The following CAMK1D variants were observed in gnomAD, a reference collection of about 807,000 sequenced individuals.
The protein encoded by CAMK1D is calcium/calmodulin dependent protein kinase ID, also known as calcium/calmodulin-dependent protein kinase type 1D.
Under a neutral mutation model 47.7 loss-of-function variants are expected in CAMK1D, and 9 were observed. That is an observed-to-expected ratio of 0.19 (90% CI 0.11 to 0.33). The LOEUF is 0.33. CAMK1D is among the 10% of genes least tolerant of loss of function. The pLI, the probability that CAMK1D is intolerant of heterozygous loss-of-function variation, is 1.00. For missense variants in CAMK1D, 291 were observed against 488.7 expected, an observed-to-expected ratio of 0.60 and a Z score of 3.81; for synonymous variants, 184 against 184.9, an observed-to-expected ratio of 0.99 and a Z score of 0.04.
At chr10:12,686,101 G>T (rs987638170) in intron 3 of CAMK1D, among the ~76,000 whole-genome samples, 1 of 152,068 alleles carries the variant, frequency 6.6e-6, no homozygotes, top group Non-Finnish European at 1.5e-5. Context: ...TAGTTGCAGG[G>T]GTTCATTTTC....
chr10:12,657,995 C>A (rs773631936), intron 2 of CAMK1D, among the ~76,000 whole-genome samples: 23 of 152,192 alleles, frequency 1.5e-4, no homozygotes, highest in African/African-American at 5.3e-4. Context: ...ACTAAAAATA[C>A]AAAAATTAGC....
intron 3 of CAMK1D, among the ~76,000 whole-genome samples, chr10:12,724,050 G>A (rs779853870): frequency 1.3e-5 from 2 of 152,148 alleles, no homozygotes; most frequent in Non-Finnish European, 2.9e-5. Context: ...GTGCAGTGGC[G>A]TGATCCCAGC....
intron 2 of CAMK1D, among the ~76,000 whole-genome samples, chr10:12,655,444 C>A (rs1472051136): frequency 6.6e-6 from 1 of 152,214 alleles, no homozygotes; most frequent in East Asian, 1.9e-4. Flanking sequence ...TCACTGGTAA[C>A]TTCTCATGGA....
intron 3 of CAMK1D, among the ~76,000 whole-genome samples, chr10:12,671,502 T>C (rs1840615432): frequency 6.6e-6 from 1 of 152,108 alleles, no homozygotes; most frequent in Non-Finnish European, 1.5e-5. Context: ...ATCCTGTGGG[T>C]GTGAAGTGGC....
chr10:12,366,426 G>A (rs753251131), intron 1 of CAMK1D, among the ~76,000 whole-genome samples: 3 of 152,046 alleles, frequency 2.0e-5, no homozygotes, highest in African/African-American at 7.2e-5. Context: ...AGGCCAAGGT[G>A]GGTGAATCAC....
chr10:12,494,369 G>A (rs1295438527), intron 1 of CAMK1D, among the ~76,000 whole-genome samples: 2 of 152,024 alleles, frequency 1.3e-5, no homozygotes, highest in Non-Finnish European at 2.9e-5. Flanking sequence ...CAAATGGTGT[G>A]TAATTAGGAA....
At chr10:12,750,668 A>G (rs1835899952) in intron 3 of CAMK1D, among the ~76,000 whole-genome samples, 1 of 151,334 alleles carries the variant, frequency 6.6e-6, no homozygotes, top group Non-Finnish European at 1.5e-5. Context: ...GGGAAAGTCA[A>G]GAATGAATGA....
rs557081453 is a variant in CAMK1D at position 12,659,985 on chromosome 10, A to G, written c.225-6751A>G. On this transcript the variant is annotated intron_variant, in intron 2 of 10. Coordinates refer to ENST00000619168, the MANE Select transcript of CAMK1D (RefSeq NM_153498.4). ...GGGCAATCTGTGCCTCGCTATCCCC[A>G]CCTCATCCTCTCTTATAATCAGTTT... is the stretch of plus-strand genomic sequence containing the variant. Among the ~76,000 whole-genome samples, 5 of 151,814 alleles carry G rather than the reference A, an allele frequency of 3.3e-5. No individual in the cohort carries two copies. The South Asian group carries it at 8.3e-4, about 25-fold the overall frequency.
At chr10:12,402,461 C>T (rs1369650464) in intron 1 of CAMK1D, among the ~76,000 whole-genome samples, 1 of 152,078 alleles carries the variant, frequency 6.6e-6, no homozygotes, top group Non-Finnish European at 1.5e-5. Flanking sequence ...CAAACTCCTG[C>T]TCTCAAGTGA....
chr10:12,389,060 C>T (rs967370838), intron 1 of CAMK1D, among the ~76,000 whole-genome samples: 4 of 152,186 alleles, frequency 2.6e-5, no homozygotes, highest in African/African-American at 9.7e-5. Context: ...TGTCCAAGGT[C>T]TGGAGGAAGA....
intron 1 of CAMK1D, among the ~76,000 whole-genome samples, chr10:12,510,291 C>T (rs1381395471): frequency 6.6e-6 from 1 of 152,192 alleles, no homozygotes; most frequent in Non-Finnish European, 1.5e-5. Context: ...TGGCACATAC[C>T]TGTAATCCGA....
intron 1 of CAMK1D, among the ~76,000 whole-genome samples, chr10:12,496,319 C>A (rs140711029): frequency 5.5e-4 from 83 of 152,264 alleles, no homozygotes; most frequent in Middle Eastern, 3.4e-3. Context: ...CACATAACTG[C>A]GGTTAAACCA....
At position 12,830,238 on chromosome 10, in the gene CAMK1D, C is replaced by G. The variant is rs1405282215; in HGVS notation, c.*1351C>G. 1.3e-5 allele frequency: 2 copies of G among 152,352 alleles called. No individual in the cohort carries two copies. The highest frequency in any genetic ancestry group is 3.9e-4 in the East Asian group (2 of 5,188). The allele number at this position is 152,352 out of a possible 1,614,324, so 9.4% of individuals were successfully genotyped here. A position where few individuals can be genotyped will look rare whatever the true frequency, so the allele number is the denominator to read the frequency against. On this transcript the variant is annotated 3_prime_UTR_variant, in exon 11 of 11. Coordinates refer to ENST00000619168, the MANE Select transcript of CAMK1D (RefSeq NM_153498.4). ...TCTAATCTTACACTTCACGTGGCCT[C>G]CAACACAAAGTTCTTTCTCCACATT...
intron 2 of CAMK1D, among the ~76,000 whole-genome samples, chr10:12,592,716 A>T (rs927703951): frequency 1.2e-4 from 18 of 152,258 alleles, no homozygotes; most frequent in African/African-American, 4.1e-4. Flanking sequence ...CCTGGTCCGT[A>T]GTAATTGTTC....
chr10:12,505,910 T>C (rs990980603), intron 1 of CAMK1D, among the ~76,000 whole-genome samples: 1 of 152,134 alleles, frequency 6.6e-6, no homozygotes, highest in African/African-American at 2.4e-5. Context: ...GCACATCACA[T>C]GTCAATGGAA....
At chr10:12,743,355 A>AAAAAAAAAAAAAAAAAAAAG (rs1461631779) in intron 3 of CAMK1D, among the ~76,000 whole-genome samples, 11 of 118,218 alleles carry the variant, frequency 9.3e-5, no homozygotes, top group African/African-American at 3.1e-4. Flanking sequence ...TCAAAAAAAA[A>AAAAAAAAAAAAAAAAAAAAG]AAAAGAAAAA....
intron 2 of CAMK1D, among the ~76,000 whole-genome samples, chr10:12,574,581 G>A (rs1050951847): frequency 6.9e-6 from 1 of 145,386 alleles, no homozygotes; most frequent in Non-Finnish European, 1.5e-5. Flanking sequence ...GCCTCCTAAA[G>A]TGCTGGGATT....
At chr10:12,651,636 A>C (rs1330250431) in intron 2 of CAMK1D, among the ~76,000 whole-genome samples, 3 of 152,006 alleles carry the variant, frequency 2.0e-5, no homozygotes, top group Non-Finnish European at 4.4e-5. Context: ...TCCTGGGTTC[A>C]AGTGATCCTC....
At chr10:12,668,913 GA>G (rs910009233) in intron 3 of CAMK1D, among the ~76,000 whole-genome samples, 6 of 146,440 alleles carry the variant, frequency 4.1e-5, no homozygotes, top group East Asian at 2.0e-4. Context: ...TTTGTGTTAA[GA>G]AAAAAAAAAC....
Sources: gnomAD v4.1 joint callset for allele counts (sites outside exome capture counted in the v4.1 genomes callset) on GRCh38, gnomAD v4.1.1 for gene constraint, MANE v1.5 for transcripts, NCBI Gene and HGNC (gene_info 2026-07-23, HGNC 2026-07-21) for gene names.